The following PDE1C variants were observed in gnomAD, a reference collection of about 807,000 sequenced individuals.
The protein encoded by PDE1C is dual specificity calcium/calmodulin-dependent 3',5'-cyclic nucleotide phosphodiesterase 1C.
In PDE1C, 62 loss-of-function variants were observed where a neutral mutation model predicts 93.1. That is an observed-to-expected ratio of 0.67 (90% CI 0.54 to 0.82). The LOEUF is 0.82. Ranked by LOEUF, PDE1C falls within the 40% of genes least tolerant of loss-of-function variation. The pLI, the probability that PDE1C is intolerant of heterozygous loss-of-function variation, is 0.00. For synonymous variants in PDE1C, 325 were observed against 310.1 expected, an observed-to-expected ratio of 1.05 and a Z score of -0.50; for missense variants, 742 against 884.6, an observed-to-expected ratio of 0.84 and a Z score of 2.04.
chr7:31,685,856 G>T, the PDE1C span, among the ~76,000 whole-genome samples: 1 of 152,092 alleles, frequency 6.6e-6, no homozygotes, highest in Non-Finnish European at 1.5e-5. Context: ...CTTCCCAGGA[G>T]GTCCCAATAA....
At position 31,804,420 on chromosome 7, in the gene PDE1C, T is replaced by C. The variant is rs577949517; in HGVS notation, c.1891+4611A>G. The stretch of plus-strand genomic sequence containing the variant: ...TGGATGGTTCTGTTCTGGCCTCAGG[T>C]AGTTTCCTCATTGCATGGGTTGCTC... On this transcript the variant is annotated intron_variant, in intron 16 of 17. Transcript: ENST00000396191. 3.3e-5 allele frequency among the ~76,000 whole-genome samples: 5 copies of C among 151,922 alleles called. No homozygotes were observed. In the South Asian group the frequency reaches 1.0e-3, roughly 32 times the overall value.
chr7:32,391,809 A>C (rs893002172), intron 1 of PDE1C, among the ~76,000 whole-genome samples: 2 of 152,116 alleles, frequency 1.3e-5, no homozygotes, highest in Non-Finnish European at 2.9e-5. Flanking sequence ...AAAGCATACT[A>C]TATCAAAATT....
chr7:32,333,126 T>C (rs570186100), intron 1 of PDE1C, among the ~76,000 whole-genome samples: 1 of 152,238 alleles, frequency 6.6e-6, no homozygotes, highest in African/African-American at 2.4e-5. Flanking sequence ...ACCAAAACCA[T>C]AGTCAAAGTA....
chr7:31,625,672 A>C, the PDE1C span, among the ~76,000 whole-genome samples: 2 of 152,182 alleles, frequency 1.3e-5, no homozygotes, highest in African/African-American at 4.8e-5. Context: ...ACCTAATGCT[A>C]GATGACGAGT....
chr7:31,802,940 G>A (rs1786254503), intron 16 of PDE1C, among the ~76,000 whole-genome samples: 1 of 151,526 alleles, frequency 6.6e-6, no homozygotes, highest in South Asian at 2.1e-4. Flanking sequence ...TTGAATCTGT[G>A]GATTTATAGT....
exon 1 of PDE1C, chr7:32,299,305 G>A: frequency 1.0e-6 from 1 of 985,746 alleles, no homozygotes. Context: ...AGATGTTGCC[G>A]AAGTTTACTC....
In PDE1C at chr7:32,098,736, G is replaced by T. The variant is rs573646797; in HGVS notation, c.308+71049C>A. The stretch of plus-strand genomic sequence containing the variant: ...TAGGGTACATCCAGACATATATCTT[G>T]GGCCTGCAGCAGGCCTTCAAGTAAT... On this transcript the variant is annotated intron_variant, in intron 3 of 18. Transcript: ENST00000396193. Among the ~76,000 whole-genome samples, 3 of 152,178 alleles carry T rather than the reference G, an allele frequency of 2.0e-5. No homozygotes were observed. The South Asian group carries it at 6.2e-4, about 32-fold the overall frequency.
chr7:31,867,299 C>T (rs1039342196), intron 6 of PDE1C, among the ~76,000 whole-genome samples: 1 of 152,082 alleles, frequency 6.6e-6, no homozygotes, highest in African/African-American at 2.4e-5. Flanking sequence ...TGCTCCCCAG[C>T]CACCCGTATA....
the PDE1C span, among the ~76,000 whole-genome samples, chr7:31,619,642 A>T: frequency 3.9e-5 from 6 of 152,132 alleles, no homozygotes; most frequent in Admixed American, 6.5e-5. Context: ...ATGGCCGAAT[A>T]GGAACAGCTC....
chr7:31,724,557 C>T, the PDE1C span, among the ~76,000 whole-genome samples: 1 of 152,190 alleles, frequency 6.6e-6, no homozygotes, highest in Non-Finnish European at 1.5e-5. Context: ...CGTTCTTTCC[C>T]GATTCTTGCT....
rs12538422 is a variant in PDE1C, at chr7:31,883,476, C to T, written c.129-2616G>A. On this transcript the variant is annotated intron_variant, in intron 2 of 17. Transcript: ENST00000396191. ...AACTAAACATGAAAATGAGCTGACA[C>T]GTCTCCTTTTACTAGGACAATCTCC... is the stretch of plus-strand genomic sequence containing the variant. Among the ~76,000 whole-genome samples the T allele has an allele frequency of 1.9e-3, 288 of 152,332 alleles. 5 individuals are homozygous for T. Among genetic ancestry groups the T allele is most frequent in the Admixed American group, 0.017 (261 of 15,304 alleles).
At chr7:32,282,437 T>G (rs1371153685) in intron 1 of PDE1C, among the ~76,000 whole-genome samples, 4 of 75,832 alleles carry the variant, frequency 5.3e-5, no homozygotes, top group Non-Finnish European at 1.1e-4. Flanking sequence ...GATCGTGCCA[T>G]TGCACACTCC....
intron 1 of PDE1C, among the ~76,000 whole-genome samples, chr7:32,288,597 C>T (rs1193377036): frequency 3.3e-5 from 5 of 152,124 alleles, no homozygotes; most frequent in African/African-American, 4.8e-5. Context: ...GCTGCTGGTT[C>T]CCTCTTTAAG....
chr7:31,840,429 A>T (rs746677552), intron 9 of PDE1C, among the ~76,000 whole-genome samples: 5 of 152,042 alleles, frequency 3.3e-5, no homozygotes, highest in Non-Finnish European at 7.4e-5. Context: ...GCTTTTTTTT[A>T]ACGGTGTCTT....
chr7:32,109,903 G>T (rs756873785), intron 3 of PDE1C, among the ~76,000 whole-genome samples: 2 of 152,078 alleles, frequency 1.3e-5, no homozygotes, highest in Non-Finnish European at 2.9e-5. Context: ...ATGAAACAAA[G>T]AACTCACTTG....
At chr7:32,322,606 T>G (rs944532353) in intron 1 of PDE1C, among the ~76,000 whole-genome samples, 1 of 119,770 alleles carries the variant, frequency 8.3e-6, no homozygotes, top group Non-Finnish European at 1.8e-5. Context: ...CCCATCTCTA[T>G]TTTTTTCTTT....
chr7:32,274,878 T>C (rs1227623245), intron 1 of PDE1C, among the ~76,000 whole-genome samples: 1 of 152,236 alleles, frequency 6.6e-6, no homozygotes, highest in Non-Finnish European at 1.5e-5. Flanking sequence ...AAAATTGATA[T>C]GGTTCATAAA....
At chr7:32,009,179 T>C (rs1288669133) in intron 2 of PDE1C, among the ~76,000 whole-genome samples, 4 of 152,288 alleles carry the variant, frequency 2.6e-5, no homozygotes, top group Middle Eastern at 6.8e-3. Context: ...ATTGGAGATA[T>C]GCGAAACAAA....
At chr7:32,371,475 T>C (rs1487234983) in intron 1 of PDE1C, among the ~76,000 whole-genome samples, 3 of 152,194 alleles carry the variant, frequency 2.0e-5, no homozygotes, top group Non-Finnish European at 2.9e-5. Context: ...ACCATTATAT[T>C]CCTAGTGCTT....
Sources: gnomAD v4.1 joint callset for allele counts (sites outside exome capture counted in the v4.1 genomes callset) on GRCh38, gnomAD v4.1.1 for gene constraint, MANE v1.5 for transcripts, NCBI Gene and HGNC (gene_info 2026-07-23, HGNC 2026-07-21) for gene names.